The following AFAP1L1 variants were observed in gnomAD, a reference collection of about 807,000 sequenced individuals.
AFAP1L1 encodes actin filament-associated protein 1-like 1.
AFAP1L1 carries 77 observed loss-of-function variants against 99.8 expected under a neutral mutation model. The observed-to-expected ratio is 0.77, with a 90% CI of 0.64 to 0.93. The LOEUF (loss-of-function observed/expected upper bound fraction) is 0.93, where lower values mean the gene tolerates loss of function less well. Among genes scored for constraint, AFAP1L1 ranks in the 40% least tolerant of loss-of-function variants. AFAP1L1 has a pLI of 0.00. For missense variants in AFAP1L1, 893 were observed against 996.8 expected (o/e 0.90, Z 1.40); for synonymous variants, 373 against 395.3 (o/e 0.94, Z 0.67).
chr5:149,275,078 T>G (rs748730948), intron 1 of AFAP1L1, among the ~76,000 whole-genome samples: 2 of 152,094 alleles, frequency 1.3e-5, no homozygotes, highest in Non-Finnish European at 2.9e-5. Context: ...GTATTCACGA[T>G]AATAACTGAA....
rs147244122 is a variant in AFAP1L1 at position 149,332,806 on chromosome 5, G to A, written c.2087G>A (p.Arg696His). ...CTGAAGCTGGTGGCTGTGAAGGAGC[G>A]CTTGCAGCAGTCCCTGGCAGGAGGG... ...LELKLVAVKE[R>H]LQQSLAGGPA... Residue 696 changes from arginine (R) to histidine (H), a missense_variant, in exon 17 of 19, where the codon CGC (arginine) becomes CAC (histidine). Coordinates refer to ENST00000296721, the MANE Select transcript of AFAP1L1 (RefSeq NM_152406.4). 1,104 of 1,612,884 alleles carry A rather than the reference G, an allele frequency of 6.8e-4. 1 individual carries two copies. The highest frequency in any genetic ancestry group is 8.8e-4 in the African/African-American group (66 of 75,028).
At chr5:149,289,143 A>C (rs1340595285) in intron 1 of AFAP1L1, among the ~76,000 whole-genome samples, 2 of 152,204 alleles carry the variant, frequency 1.3e-5, no homozygotes, top group Non-Finnish European at 2.9e-5. Flanking sequence ...AGGGGGTTAA[A>C]TAACTCATCC....
chr5:149,315,226 G>T (rs905556724), intron 9 of AFAP1L1, among the ~76,000 whole-genome samples: 5 of 152,170 alleles, frequency 3.3e-5, no homozygotes, highest in African/African-American at 7.2e-5. Flanking sequence ...GTGGGTGTGT[G>T]GGTGTGTGTC....
chr5:149,282,861 G>A (rs749670741), intron 1 of AFAP1L1, among the ~76,000 whole-genome samples: 7 of 152,216 alleles, frequency 4.6e-5, no homozygotes, highest in Non-Finnish European at 8.8e-5. Context: ...GTGTATTCAA[G>A]AGTAGTGTTG....
chr5:149,317,777 G>A lies in AFAP1L1; in HGVS notation c.1316G>A (p.Arg439His), dbSNP rs776542660. ...VNQGWKERWC[R>H]LKCNTLYFHK... ...CAGGGCTGGAAGGAACGCTGGTGCC[G>A]CCTGAAGTGCAACACTCTGTATTTC... The change falls in exon 12 of 19, where the codon CGC (arginine) becomes CAC (histidine). Residue 439 changes from arginine to histidine, a missense_variant. Physicochemically the swap from Arg to His is conservative, Grantham distance 29. Coordinates refer to ENST00000296721, the MANE Select transcript of AFAP1L1 (RefSeq NM_152406.4). The A allele has an allele frequency of 1.1e-5, 18 of 1,613,908 alleles. No homozygotes were observed. Among genetic ancestry groups the A allele is most frequent in the South Asian group, 7.7e-5 (7 of 91,000 alleles).
chr5:149,331,814 A>G (rs993637810), intron 16 of AFAP1L1, among the ~76,000 whole-genome samples: 4 of 152,056 alleles, frequency 2.6e-5, no homozygotes, highest in African/African-American at 7.2e-5. Context: ...GTCACCAGGA[A>G]GCTTATTTCT....
rs774118382 is a variant in AFAP1L1, at chr5:149,332,724, G to A, written c.2005G>A (p.Val669Met). 5.3e-5 allele frequency: 86 copies of A among 1,613,646 alleles called. No homozygotes were observed. Among genetic ancestry groups the A allele is most frequent in the Non-Finnish European group, 6.7e-5 (79 of 1,179,968 alleles). The change falls in exon 17 of 19, where the codon GTG (valine) becomes ATG (methionine). Residue 669 changes from valine (V) to methionine (M), a missense_variant. Transcript: ENST00000296721. ...AAAATTAAAGGCTCTGGAAGAAGCCGTGGCCACCCTGGAAGCTCAGTGTCG... is the reference window on the plus strand; with the variant it reads ...AAAATTAAAGGCTCTGGAAGAAGCCATGGCCACCCTGGAAGCTCAGTGTCG... ...GAKLKALEEA[V>M]ATLEAQCRAK...
chr5:149,295,126 G>T (rs1274302305), intron 1 of AFAP1L1, among the ~76,000 whole-genome samples: 1 of 152,192 alleles, frequency 6.6e-6, no homozygotes, highest in Non-Finnish European at 1.5e-5. Flanking sequence ...CTGCCTGCCA[G>T]ATCCGTTCAG....
chr5:149,307,953 C>T (rs990757626), intron 7 of AFAP1L1, among the ~76,000 whole-genome samples: 1 of 151,496 alleles, frequency 6.6e-6, no homozygotes, highest in African/African-American at 2.4e-5. Flanking sequence ...GTCAGGAGTT[C>T]GAGACCAGCC....
chr5:149,294,443 T>C (rs910047747), intron 1 of AFAP1L1, among the ~76,000 whole-genome samples: 3 of 152,368 alleles, frequency 2.0e-5, no homozygotes, highest in African/African-American at 4.8e-5. Context: ...ATCAGACTTC[T>C]GTATTCACTG....
rs146456901 is a variant in AFAP1L1 at position 149,299,541 on chromosome 5, C to T, written c.49C>T (p.Leu17=). 48 of 1,614,164 alleles carry T rather than the reference C, an allele frequency of 3.0e-5. No individual in the cohort carries two copies. Among genetic ancestry groups the T allele is most frequent in the Middle Eastern group, 3.3e-4 (2 of 6,060 alleles). The part of the protein sequence containing the change: ...LEQLLPELTG[L]LSLLDHEYLS... ...GCAGCTGCTCCCAGAGCTCACCGGG[C>T]TGCTCAGCCTCCTGGACCACGAGTA... Residue 17 remains leucine, a synonymous_variant, in exon 2 of 19, where the codon CTG becomes TTG. Transcript: ENST00000296721.
chr5:149,289,907 T>G (rs1755798761), intron 1 of AFAP1L1, among the ~76,000 whole-genome samples: 1 of 152,156 alleles, frequency 6.6e-6, no homozygotes, highest in African/African-American at 2.4e-5. Flanking sequence ...AGTTTCCACA[T>G]GTGTAAGTGG....
At chr5:149,287,677 G>T (rs1360151343) in intron 1 of AFAP1L1, among the ~76,000 whole-genome samples, 2 of 151,842 alleles carry the variant, frequency 1.3e-5, no homozygotes, top group Non-Finnish European at 2.9e-5. Context: ...CCACCTCCTG[G>T]GTTCAAGCGA....
intron 1 of AFAP1L1, among the ~76,000 whole-genome samples, chr5:149,286,827 C>T (rs1243901593): frequency 3.9e-5 from 6 of 152,168 alleles, no homozygotes; most frequent in Non-Finnish European, 7.4e-5. Flanking sequence ...AGACACACAG[C>T]GACTTGCCCA....
Position 149,317,747 on chromosome 5 carries a change from T to C in AFAP1L1, c.1286T>C (p.Val429Ala). The change falls in exon 12 of 19, where the codon GTG (valine) becomes GCG (alanine). Residue 429 changes from valine (V) to alanine (A), a missense_variant. Transcript: ENST00000296721. Reference sequence around the variant, plus strand: ...CCTCCAGGCTACCTGAACGTGCTGGTGAACCAGGGCTGGAAGGAACGCTGG... The same window carrying C: ...CCTCCAGGCTACCTGAACGTGCTGGCGAACCAGGGCTGGAAGGAACGCTGG... Reference protein sequence around the residue: ...VPCCGYLNVLVNQGWKERWCR... With the variant: ...VPCCGYLNVLANQGWKERWCR... 1 of 1,614,002 alleles carries C rather than the reference T, an allele frequency of 6.2e-7. No homozygotes were observed. The highest frequency in any genetic ancestry group is 1.7e-5 in the Admixed American group (1 of 59,990).
chr5:149,299,748 G>T, intron 2 of AFAP1L1, 111 bp downstream of exon 2: 1 of 1,483,780 alleles, frequency 6.7e-7, no homozygotes, highest in South Asian at 1.3e-5. Flanking sequence ...CCACCCCCAG[G>T]GGCTGCCGCA....
chr5:149,342,985 T>G lies in AFAP1L1; in HGVS notation c.*2955T>G, dbSNP rs1231239146. ...CAGGTCTAAGCCCAACACTGCCAAG[T>G]GTTCAGTCTGTCAGAATTCTACTGT... On this transcript the variant is annotated 3_prime_UTR_variant, in exon 19 of 19. Coordinates refer to ENST00000296721, the MANE Select transcript of AFAP1L1 (RefSeq NM_152406.4). Among the ~76,000 whole-genome samples, 2 of 152,162 alleles carry G rather than the reference T, an allele frequency of 1.3e-5. No individual in the cohort carries two copies. The highest frequency in any genetic ancestry group is 1.3e-4 in the Admixed American group (2 of 15,282).
chr5:149,292,834 G>A (rs1755900826), intron 1 of AFAP1L1, among the ~76,000 whole-genome samples: 1 of 152,226 alleles, frequency 6.6e-6, no homozygotes, highest in South Asian at 2.1e-4. Context: ...GATGGGGGCA[G>A]CTTAGGAATT....
intron 5 of AFAP1L1, among the ~76,000 whole-genome samples, chr5:149,305,291 T>C (rs902083787): frequency 1.3e-5 from 2 of 152,212 alleles, no homozygotes; most frequent in African/African-American, 4.8e-5. Context: ...GAGATAGGAT[T>C]TGAACTCAAC....
Sources: gnomAD v4.1 joint callset for allele counts (sites outside exome capture counted in the v4.1 genomes callset) on GRCh38, gnomAD v4.1.1 for gene constraint, MANE v1.5 for transcripts, NCBI Gene and HGNC (gene_info 2026-07-23, HGNC 2026-07-21) for gene names.